CTNNA1: variants seen among roughly 807,000 people sequenced by gnomAD.
The protein encoded by CTNNA1 is catenin alpha-1.
Under a neutral mutation model 98.4 loss-of-function variants are expected in CTNNA1, and 37 were observed. The ratio of observed to expected loss-of-function variants is 0.38; its 90% CI spans 0.29 to 0.49. The LOEUF (loss-of-function observed/expected upper bound fraction) is 0.49, where lower values mean the gene tolerates loss of function less well. CTNNA1 is among the 20% of genes least tolerant of loss of function. The pLI, the probability that CTNNA1 is intolerant of heterozygous loss-of-function variation, is 0.95. For missense variants in CTNNA1, 761 were observed against 1,147.2 expected (o/e 0.66, Z 4.86); for synonymous variants, 404 against 413.2 (o/e 0.98, Z 0.27).
At chr5:138,823,956 C>A (rs1479666689) in intron 5 of CTNNA1, among the ~76,000 whole-genome samples, 4 of 64,392 alleles carry the variant, frequency 6.2e-5, no homozygotes, top group Admixed American at 2.4e-4. Context: ...GACTCCGTCT[C>A]AAAAAAAAAA....
At position 138,827,688 on chromosome 5, in the gene CTNNA1, G is replaced by T. The variant is rs750655307; in HGVS notation, c.1032G>T (p.Leu344=). The T allele has an allele frequency of 5.0e-5, 80 of 1,614,106 alleles. No individual in the cohort carries two copies. The highest frequency in any genetic ancestry group is 6.7e-5 in the Non-Finnish European group (79 of 1,180,048). The change falls in exon 7 of 18, where the codon CTG becomes CTT. Residue 344 remains leucine, a synonymous_variant. Coordinates refer to ENST00000302763, the MANE Select transcript of CTNNA1 (RefSeq NM_001903.5). Reference sequence around the variant, plus strand: ...AGTGTAATGCTGTCCGCCAGGCCCTGCAGGACCTGCTTTCGGAGTACATGG... The same window carrying T: ...AGTGTAATGCTGTCCGCCAGGCCCTTCAGGACCTGCTTTCGGAGTACATGG... ...VAECNAVRQA[L]QDLLSEYMGN...
intron 7 of CTNNA1, among the ~76,000 whole-genome samples, chr5:138,851,334 T>G (rs889464816): frequency 2.0e-5 from 3 of 152,306 alleles, no homozygotes; most frequent in Middle Eastern, 3.4e-3. Context: ...GGTTGTTCAG[T>G]TGATCATGGC....
At chr5:138,931,950 C>G (rs939786082) in intron 16 of CTNNA1, 8 of 985,334 alleles carry the variant, frequency 8.1e-6, no homozygotes, top group African/African-American at 1.7e-5. Flanking sequence ...TGGTCCTAAT[C>G]TGGGAGCCTC....
chr5:138,898,581 G>A (rs1757395507), intron 9 of CTNNA1, among the ~76,000 whole-genome samples: 1 of 148,826 alleles, frequency 6.7e-6, no homozygotes, highest in Non-Finnish European at 1.5e-5. Flanking sequence ...CAGCCTGTGT[G>A]ACAGAGTGAG....
intron 1 of CTNNA1, among the ~76,000 whole-genome samples, chr5:138,776,107 G>C (rs1397326104): frequency 6.7e-6 from 1 of 149,514 alleles, no homozygotes; most frequent in Non-Finnish European, 1.5e-5. Flanking sequence ...GATTTGGCAG[G>C]GTCACAGGAC....
chr5:138,805,834 T>C (rs1307987839), intron 3 of CTNNA1, among the ~76,000 whole-genome samples: 1 of 151,800 alleles, frequency 6.6e-6, no homozygotes, highest in Non-Finnish European at 1.5e-5. Flanking sequence ...TTCCTTTCAT[T>C]TGTGGATTGT....
intron 16 of CTNNA1, 41 bp from the exon 17 acceptor site, chr5:138,932,537 C>T: frequency 6.2e-7 from 1 of 1,607,996 alleles, no homozygotes; most frequent in Non-Finnish European, 8.5e-7. Context: ...GGTGCTTGGG[C>T]CAGGCCAGGA....
chr5:138,781,004 T>G (rs1339050024), intron 1 of CTNNA1, among the ~76,000 whole-genome samples: 1 of 152,218 alleles, frequency 6.6e-6, no homozygotes, highest in Non-Finnish European at 1.5e-5. Context: ...TGACAGAAGT[T>G]TCTCTTGACA....
intron 3 of CTNNA1, among the ~76,000 whole-genome samples, chr5:138,788,893 GTA>G (rs764209059): frequency 1.6e-4 from 24 of 152,250 alleles, no homozygotes; most frequent in Non-Finnish European, 5.9e-5. Flanking sequence ...GCCAGGATCA[GTA>G]TTATTGCTAC....
intron 7 of CTNNA1, among the ~76,000 whole-genome samples, chr5:138,844,083 A>G (rs1335923897): frequency 1.3e-5 from 1 of 79,414 alleles, no homozygotes; most frequent in Non-Finnish European, 2.8e-5. Context: ...CCAAAGTGGA[A>G]GCAAGTTTGT....
At chr5:138,791,845 T>G (rs995324069) in intron 3 of CTNNA1, among the ~76,000 whole-genome samples, 2 of 151,214 alleles carry the variant, frequency 1.3e-5, no homozygotes, top group Non-Finnish European at 1.5e-5. Flanking sequence ...TGTTCTTGTT[T>G]TTTTAAATTT....
At chr5:138,801,227 T>A (rs73790351) in intron 3 of CTNNA1, among the ~76,000 whole-genome samples, 5,472 of 152,282 alleles carry the variant, frequency 0.036, 265 homozygotes, top group African/African-American at 0.11. Flanking sequence ...ATTTTATGTT[T>A]GATTATATTT....
chr5:138,821,737 C>T (rs1349705935), intron 5 of CTNNA1, among the ~76,000 whole-genome samples: 2 of 152,116 alleles, frequency 1.3e-5, no homozygotes, highest in Admixed American at 6.6e-5. Flanking sequence ...TTCTTTGTTC[C>T]TGAGTCTGCT....
Position 138,930,554 on chromosome 5 carries a change from C to T in CTNNA1, c.2092C>T (p.Leu698=). ...VASFQEEKSK[L]DAEVSKWDDS... is the part of the protein sequence containing the mutation. ...CAGCTTCCAGGAAGAAAAGAGCAAG[C>T]TGGATGCTGAAGTGTCCAAATGGGA... is the stretch of plus-strand genomic sequence containing the variant. The change falls in exon 15 of 18, where the codon CTG becomes TTG. Residue 698 remains leucine, a synonymous_variant. Transcript: ENST00000302763. 6.2e-7 allele frequency: 1 copy of T among 1,613,954 alleles called. No homozygotes were observed. Among genetic ancestry groups the T allele is most frequent in the South Asian group, 1.1e-5 (1 of 91,078 alleles).
At chr5:138,883,785 G>A (rs893660250) in intron 7 of CTNNA1, among the ~76,000 whole-genome samples, 1 of 152,194 alleles carries the variant, frequency 6.6e-6, no homozygotes, top group Non-Finnish European at 1.5e-5. Context: ...TTTTCTTGAC[G>A]TGAGTGCTTG....
At chr5:138,836,421 G>C (rs1257613468) in intron 7 of CTNNA1, among the ~76,000 whole-genome samples, 1 of 152,182 alleles carries the variant, frequency 6.6e-6, no homozygotes, top group East Asian at 1.9e-4. Flanking sequence ...TCAAGATAAG[G>C]AGTTTAAAAG....
chr5:138,783,764 C>A (rs1477236713), intron 3 of CTNNA1, among the ~76,000 whole-genome samples: 1 of 152,132 alleles, frequency 6.6e-6, no homozygotes, highest in Non-Finnish European at 1.5e-5. Flanking sequence ...TGTAATACTT[C>A]TTTTTAGTTC....
intron 1 of CTNNA1, among the ~76,000 whole-genome samples, chr5:138,765,769 TGA>T (rs1225029144): frequency 1.3e-5 from 2 of 151,472 alleles, no homozygotes; most frequent in Non-Finnish European, 2.9e-5. Context: ...GCCAACATGG[TGA>T]AACCCCATCT....
At position 138,824,540 on chromosome 5, in the gene CTNNA1, A is replaced by G. The variant is rs900896772; in HGVS notation, c.599A>G (p.Asp200Gly). 1 of 1,613,594 alleles carries G rather than the reference A, an allele frequency of 6.2e-7. No individual in the cohort carries two copies. Among genetic ancestry groups the G allele is most frequent in the East Asian group, 2.2e-5 (1 of 44,886 alleles). ...MAAKRQQELK[D>G]VGHRDQMAAA... is the part of the protein sequence containing the mutation. Reference sequence around the variant, plus strand: ...TATTTACTCTTGTAGGAATTGAAAGATGTTGGCCATCGTGATCAGATGGCT... The same window carrying G: ...TATTTACTCTTGTAGGAATTGAAAGGTGTTGGCCATCGTGATCAGATGGCT... The change falls in exon 6 of 18, where the codon GAT (aspartate) becomes GGT (glycine). Residue 200 changes from aspartate to glycine, a missense_variant. Physicochemically the swap from Asp to Gly is moderately conservative, Grantham distance 94. This residue lies in a region of CTNNA1 where 328 missense variants were observed against 354.3 expected (regional missense o/e 0.93). Coordinates refer to ENST00000302763, the MANE Select transcript of CTNNA1 (RefSeq NM_001903.5).
Sources: allele counts gnomAD v4.1 joint callset (sites outside exome capture counted in the v4.1 genomes callset), GRCh38; gene constraint gnomAD v4.1.1; regional missense constraint gnomAD v4.1.1; transcripts MANE v1.5; gene names NCBI Gene and HGNC (gene_info 2026-07-23, HGNC 2026-07-21).